The following BCL9 variants were observed in gnomAD, a reference collection of about 807,000 sequenced individuals.
BCL9 encodes BCL9 transcription coactivator, also known as B-cell CLL/lymphoma 9 protein.
In BCL9, 25 loss-of-function variants were observed where a neutral mutation model predicts 88.5. The observed-to-expected ratio is 0.28, with a 90% CI of 0.21 to 0.39. BCL9 has a LOEUF of 0.39. Ranked by LOEUF, BCL9 falls within the 10% of genes least tolerant of loss-of-function variation. BCL9 has a pLI of 1.00. For missense variants in BCL9, 1,817 were observed against 1,877.8 expected (o/e 0.97, Z 0.60); for synonymous variants, 711 against 673.3 (o/e 1.06, Z -0.87).
Position 147,624,360 on chromosome 1 carries a change from G to A in BCL9, c.3682G>A (p.Ala1228Thr), listed in dbSNP as rs782398451. Residue 1228 changes from alanine (A) to threonine (T), a missense_variant, in exon 10 of 10, where the codon GCC becomes ACC. This residue lies in a region of BCL9 where 589 missense variants were observed against 686.2 expected (regional missense o/e 0.86). Transcript: ENST00000234739. This position sits in a 1 kb window ranked among gnomAD's most constrained non-coding sequence, Gnocchi z 4.4. ...TCTGCAGGAGGTCATCCGACCTGGA[G>A]CCACCGGAATACCTGAGTTTGATCT... ...PDLQEVIRPG[A>T]TGIPEFDLSR... 6.2e-7 allele frequency: 1 copy of A among 1,614,214 alleles called. No individual in the cohort carries two copies. Among genetic ancestry groups the A allele is most frequent in the Non-Finnish European group, 8.5e-7 (1 of 1,180,036 alleles).
chr1:147,612,860 CCTTT>C lies in BCL9; in HGVS notation c.54-22_54-19del. ...CCAGCTGTATCTGGTGTCTGATCTTCCTTTGTTATTTGTTTCTTTTAGTAGCCCT... is the reference window on the plus strand; with the variant it reads ...CCAGCTGTATCTGGTGTCTGATCTTCGTTATTTGTTTCTTTTAGTAGCCCT... On this transcript the variant is annotated intron_variant, in intron 4 of 9. Transcript: ENST00000234739. 1.2e-6 allele frequency: 2 copies of C among 1,610,358 alleles called. No individual in the cohort carries two copies. Among genetic ancestry groups the C allele is most frequent in the Non-Finnish European group, 1.7e-6 (2 of 1,177,330 alleles).
chr1:147,613,315 C>T (rs1288670469), intron 5 of BCL9, 116 bp downstream of exon 5: 1 of 1,001,338 alleles, frequency 1.0e-6, no homozygotes, highest in Non-Finnish European at 1.5e-6. Context: ...GAGTAGGTAT[C>T]AGATTCATGA....
At chr1:147,551,085 G>A (rs1553194757) in intron 1 of BCL9, among the ~76,000 whole-genome samples, 2 of 152,302 alleles carry the variant, frequency 1.3e-5, no homozygotes, top group Middle Eastern at 6.8e-3. Context: ...TAAATGAGGA[G>A]ACAATAATAA....
chr1:147,619,005 A>G lies in BCL9; in HGVS notation c.850A>G (p.Lys284Glu). Residue 284 changes from lysine to glutamate, a missense_variant, in exon 8 of 10, where the codon AAA (lysine) becomes GAA (glutamate). Transcript: ENST00000234739. This position sits in a 1 kb window ranked among gnomAD's most constrained non-coding sequence, Gnocchi z 4.1. ...LDRESPGVEN[K>E]LIPSVGSPAS... ...CCGGGAGAGTCCTGGGGTAGAAAAC[A>G]AACTGATTCCTTCTGTAGGAAGTCC... 6.2e-7 allele frequency: 1 copy of G among 1,610,912 alleles called. No homozygotes were observed. The highest frequency in any genetic ancestry group is 1.7e-5 in the Admixed American group (1 of 59,602).
chr1:147,574,077 T>C (rs587649083), intron 1 of BCL9, among the ~76,000 whole-genome samples: 1 of 152,352 alleles, frequency 6.6e-6, no homozygotes, highest in South Asian at 2.1e-4. Flanking sequence ...ATGACATTGT[T>C]ATTATCCCTA....
intron 2 of BCL9, among the ~76,000 whole-genome samples, chr1:147,605,377 G>T (rs1184021567): frequency 6.6e-6 from 1 of 152,174 alleles, no homozygotes; most frequent in Non-Finnish European, 1.5e-5. Context: ...TAATGCCGGG[G>T]GCCATGGAGG....
At chr1:147,572,579 T>C (rs1655933806) in intron 1 of BCL9, among the ~76,000 whole-genome samples, 1 of 152,068 alleles carries the variant, frequency 6.6e-6, no homozygotes, top group African/African-American at 2.4e-5. Context: ...TAGGTAGAAG[T>C]TTTTGTTTGT....
Position 147,577,870 on chromosome 1 carries a change from G to GTGTGTGTGTGTGTT in BCL9, c.-477-26906_-477-26905insGTGTGTGTGTGTTT, listed in dbSNP as rs1318682168. ...TGTGTGTGTGTGTGTGTGTGTGTGTGTATAAATGTCTTCATGATATCAAGC... is the reference window on the plus strand; with the variant it reads ...TGTGTGTGTGTGTGTGTGTGTGTGTGTGTGTGTGTGTGTTTATAAATGTCTTCATGATATCAAGC... On this transcript the variant is annotated intron_variant, in intron 1 of 9. Transcript: ENST00000234739. Among the ~76,000 whole-genome samples, 434 of 151,068 alleles carry GTGTGTGTGTGTGTT rather than the reference G, an allele frequency of 2.9e-3. 2 individuals carry two copies. The highest frequency in any genetic ancestry group is 4.4e-3 in the Non-Finnish European group (297 of 67,676).
intron 3 of BCL9, among the ~76,000 whole-genome samples, chr1:147,607,750 A>T (rs1553202165): frequency 1.3e-5 from 2 of 152,206 alleles, no homozygotes; most frequent in Non-Finnish European, 2.9e-5. Context: ...GGAGCCATTT[A>T]TTAAGATATG....
intron 1 of BCL9, among the ~76,000 whole-genome samples, chr1:147,571,302 T>C (rs1176471260): frequency 6.6e-6 from 1 of 152,194 alleles, no homozygotes; most frequent in Non-Finnish European, 1.5e-5. Context: ...CTGAGTCTTC[T>C]GATTCCAAAT....
rs782306588 is a variant in BCL9 at position 147,621,065 on chromosome 1, T to C, written c.2902+8T>C. 57 of 1,607,240 alleles carry C rather than the reference T, an allele frequency of 3.5e-5. No individual in the cohort carries two copies. The Middle Eastern group carries it at 6.6e-4, about 19-fold the overall frequency. On this transcript the variant is annotated splice_region_variant and intron_variant, in intron 8 of 9. Coordinates refer to ENST00000234739, the MANE Select transcript of BCL9 (RefSeq NM_004326.4). ...TGGGAAATGTAGAGTCAGGTCAGTA[T>C]GCTTGCATCCTCACAGTTGCACCTA...
intron 3 of BCL9, among the ~76,000 whole-genome samples, chr1:147,609,454 G>T (rs1388047264): frequency 6.6e-6 from 1 of 152,166 alleles, no homozygotes; most frequent in South Asian, 2.1e-4. Context: ...AAGGAAGATG[G>T]CTTCAAGGAA....
At chr1:147,602,668 G>A (rs924058934) in intron 1 of BCL9, among the ~76,000 whole-genome samples, 7 of 152,110 alleles carry the variant, frequency 4.6e-5, no homozygotes, top group African/African-American at 1.7e-4. Flanking sequence ...CAAAAGAGAT[G>A]GTAGATAGAC....
chr1:147,612,835 C>T, intron 4 of BCL9, 48 bp from the exon 5 acceptor site: 1 of 1,581,022 alleles, frequency 6.3e-7, no homozygotes, highest in South Asian at 1.1e-5. Context: ...TTTGTGCTGA[C>T]CAGCTGTATC....
intron 1 of BCL9, among the ~76,000 whole-genome samples, chr1:147,577,243 T>G (rs587644070): frequency 1.4e-4 from 21 of 152,256 alleles, no homozygotes; most frequent in Admixed American, 1.4e-3. Flanking sequence ...TATTTAGAAT[T>G]TATTGAGCCC....
Position 147,620,918 on chromosome 1 carries a change from C to G in BCL9, c.2763C>G (p.Leu921=). 6.2e-7 allele frequency: 1 copy of G among 1,614,188 alleles called. No individual in the cohort carries two copies. Among genetic ancestry groups the G allele is most frequent in the Non-Finnish European group, 8.5e-7 (1 of 1,180,026 alleles). Residue 921 remains leucine (L), a synonymous_variant, in exon 8 of 10, where the codon CTC becomes CTG. Transcript: ENST00000234739. ...CTGCTGCTGCTTCACCTGTCCACCT[C>G]AAGTCTCCATCACTTCCTGCCCCGT... is the stretch of plus-strand genomic sequence containing the variant. ...LGSAAASPVH[L]KSPSLPAPSP... is the part of the protein sequence containing the mutation.
intron 1 of BCL9, among the ~76,000 whole-genome samples, chr1:147,547,077 T>C (rs1324875542): frequency 2.0e-5 from 3 of 152,204 alleles, no homozygotes; most frequent in African/African-American, 7.2e-5. Context: ...GTGCTGATGA[T>C]ACATGCTATG....
chr1:147,554,947 T>C lies in BCL9; in HGVS notation c.-478+13273T>C, dbSNP rs76331414. ...TTCTTTCTCTTCAATCTCCTACTTC[T>C]TAATGATCTTGGCAAGAGATTTTAG... On this transcript the variant is annotated intron_variant, in intron 1 of 9. Transcript: ENST00000234739. 2.0e-3 allele frequency among the ~76,000 whole-genome samples: 304 copies of C among 152,310 alleles called. 9 individuals are homozygous for C. In the East Asian group the frequency reaches 0.054, roughly 27 times the overall value.
In BCL9 at chr1:147,623,991, C is replaced by T. The variant is rs199772833; in HGVS notation, c.3313C>T (p.His1105Tyr). 6.9e-5 allele frequency: 111 copies of T among 1,614,244 alleles called. No individual in the cohort carries two copies. The highest frequency in any genetic ancestry group is 3.3e-5 in the South Asian group (3 of 91,090). The change falls in exon 10 of 10, where the codon CAT becomes TAT. Residue 1105 changes from histidine (H) to tyrosine (Y), a missense_variant. Transcript: ENST00000234739. ...TGCCGTGGGACCCAACATACCTCCT[C>T]ATGGGGTCCCAATGGGGCCTGGCTT... ...PNAVGPNIPP[H>Y]GVPMGPGLMS...
Sources: gnomAD v4.1 joint callset for allele counts (sites outside exome capture counted in the v4.1 genomes callset) on GRCh38, gnomAD v4.1.1 for gene constraint, gnomAD v4.1.1 regional missense constraint, Gnocchi (gnomAD v3.1) non-coding constraint, MANE v1.5 for transcripts, NCBI Gene and HGNC (gene_info 2026-07-23, HGNC 2026-07-21) for gene names.